PCSK2: variants seen among roughly 807,000 people sequenced by gnomAD.
The protein encoded by PCSK2 is neuroendocrine convertase 2.
Under a neutral mutation model 69.7 loss-of-function variants are expected in PCSK2, and 14 were observed. The ratio of observed to expected loss-of-function variants is 0.20; its 90% CI spans 0.13 to 0.31. PCSK2 has a LOEUF of 0.31. PCSK2 is among the 10% of genes least tolerant of loss of function. The probability of loss-of-function intolerance (pLI) is 1.00; values close to 1 mark genes in which losing one functional copy is unlikely to be tolerated. For synonymous variants in PCSK2, 307 were observed against 320.7 expected, an observed-to-expected ratio of 0.96 and a Z score of 0.46; for missense variants, 544 against 842.5, an observed-to-expected ratio of 0.65 and a Z score of 4.39.
At chr20:17,278,408 A>C (rs1427901953) in intron 2 of PCSK2, among the ~76,000 whole-genome samples, 1 of 152,226 alleles carries the variant, frequency 6.6e-6, no homozygotes, top group Non-Finnish European at 1.5e-5. Flanking sequence ...TGATGAGTTC[A>C]TGTCCTTTGT....
At chr20:17,431,410 C>T (rs2032364243) in intron 7 of PCSK2, among the ~76,000 whole-genome samples, 1 of 152,294 alleles carries the variant, frequency 6.6e-6, no homozygotes, top group South Asian at 2.1e-4. Flanking sequence ...GGGAGCAGGC[C>T]AGAGGACCCG....
intron 8 of PCSK2, among the ~76,000 whole-genome samples, chr20:17,445,977 G>C (rs1016538215): frequency 1.3e-5 from 2 of 152,214 alleles, no homozygotes; most frequent in African/African-American, 4.8e-5. Flanking sequence ...GCATTGAAAA[G>C]TCCTACATCT....
At chr20:17,346,686 T>C (rs1004787295) in intron 2 of PCSK2, among the ~76,000 whole-genome samples, 2 of 152,198 alleles carry the variant, frequency 1.3e-5, no homozygotes, top group Non-Finnish European at 2.9e-5. Context: ...TCTGGAAAAT[T>C]GTCCTGTCAA....
chr20:17,323,193 T>C (rs185226701), intron 2 of PCSK2, among the ~76,000 whole-genome samples: 1 of 152,264 alleles, frequency 6.6e-6, no homozygotes, highest in Non-Finnish European at 1.5e-5. Flanking sequence ...ACCACCATAA[T>C]GGGAAGTAAG....
At chr20:17,407,759 T>C (rs2031785121) in intron 5 of PCSK2, among the ~76,000 whole-genome samples, 1 of 152,080 alleles carries the variant, frequency 6.6e-6, no homozygotes, top group African/African-American at 2.4e-5. Context: ...CCAGTAGTTA[T>C]GGTCAGTGGA....
intron 8 of PCSK2, among the ~76,000 whole-genome samples, chr20:17,437,990 C>A (rs550524785): frequency 6.7e-6 from 1 of 149,596 alleles, no homozygotes; most frequent in South Asian, 2.1e-4. Context: ...GCAGTTCCCC[C>A]CCACCCACAC....
intron 8 of PCSK2, among the ~76,000 whole-genome samples, chr20:17,449,984 C>CT (rs60552663): frequency 1.1e-3 from 98 of 90,620 alleles, no homozygotes; most frequent in East Asian, 6.7e-3. Flanking sequence ...ACTTCCTTAG[C>CT]TTTTTTTTTT....
At chr20:17,371,465 C>A (rs1259106663) in intron 5 of PCSK2, among the ~76,000 whole-genome samples, 1 of 152,160 alleles carries the variant, frequency 6.6e-6, no homozygotes, top group Non-Finnish European at 1.5e-5. Flanking sequence ...CCAGAATACA[C>A]CTGAAGAACT....
intron 4 of PCSK2, 58 bp downstream of exon 4, chr20:17,360,698 T>C: frequency 1.0e-6 from 1 of 1,002,808 alleles, no homozygotes; most frequent in African/African-American, 1.6e-5. Context: ...GCTTGCCTTT[T>C]GATAAAAGTT....
At chr20:17,408,691 T>G (rs919952836) in intron 5 of PCSK2, among the ~76,000 whole-genome samples, 17 of 152,370 alleles carry the variant, frequency 1.1e-4, no homozygotes, top group African/African-American at 3.6e-4. Context: ...TGACATATAT[T>G]GGACTCTTAA....
At chr20:17,407,388 C>T (rs1345603671) in intron 5 of PCSK2, among the ~76,000 whole-genome samples, 2 of 152,120 alleles carry the variant, frequency 1.3e-5, no homozygotes, top group Non-Finnish European at 2.9e-5. Flanking sequence ...GGCAGATACT[C>T]TTCCAAATCT....
chr20:17,454,380 G>A (rs753087716), intron 9 of PCSK2, among the ~76,000 whole-genome samples: 12 of 152,082 alleles, frequency 7.9e-5, no homozygotes, highest in African/African-American at 2.2e-4. Context: ...CAACATTCAC[G>A]GATGGACTTT....
At chr20:17,448,844 T>G (rs1226938074) in intron 8 of PCSK2, among the ~76,000 whole-genome samples, 2 of 151,710 alleles carry the variant, frequency 1.3e-5, no homozygotes, top group African/African-American at 4.8e-5. Flanking sequence ...ACTGGCAGAA[T>G]TCAAAGTGGA....
chr20:17,296,489 G>A (rs1988898869), intron 2 of PCSK2, among the ~76,000 whole-genome samples: 1 of 152,120 alleles, frequency 6.6e-6, no homozygotes, highest in African/African-American at 2.4e-5. Context: ...GTGCTCACCT[G>A]GACGCCATCT....
intron 2 of PCSK2, among the ~76,000 whole-genome samples, chr20:17,322,319 A>ATTGATGAGTAAGTCATCAATC (rs1989894585): frequency 6.6e-6 from 1 of 152,130 alleles, no homozygotes; most frequent in Non-Finnish European, 1.5e-5. Context: ...TGAAAGGAGT[A>ATTGATGAGTAAGTCATCAATC]TTGATGAGTA....
Position 17,233,849 on chromosome 20 carries a change from A to G in PCSK2, c.177+6367A>G, listed in dbSNP as rs980011158. Among the ~76,000 whole-genome samples the G allele has an allele frequency of 2.6e-5, 4 of 152,188 alleles. No individual in the cohort carries two copies. In the East Asian group the frequency reaches 7.7e-4, roughly 29 times the overall value. ...CAATTCTAGCCTGTGTAATGCAAGC[A>G]GAAGTCATGTGTACTTCTTCCATGC... On this transcript the variant is annotated intron_variant, in intron 1 of 11. Coordinates refer to ENST00000262545, the MANE Select transcript of PCSK2 (RefSeq NM_002594.5).
intron 5 of PCSK2, among the ~76,000 whole-genome samples, chr20:17,390,233 T>C (rs1412980322): frequency 1.3e-5 from 2 of 152,138 alleles, no homozygotes; most frequent in East Asian, 3.9e-4. Flanking sequence ...ATCAGAACAG[T>C]GGTTGCCTAA....
chr20:17,229,408 C>G (rs563105251), intron 1 of PCSK2, among the ~76,000 whole-genome samples: 1 of 148,820 alleles, frequency 6.7e-6, no homozygotes, highest in African/African-American at 2.5e-5. Context: ...GTGGCTCCCT[C>G]CCCCTCCCCC....
At chr20:17,276,325 G>C (rs773993906) in intron 2 of PCSK2, among the ~76,000 whole-genome samples, 18 of 152,036 alleles carry the variant, frequency 1.2e-4, no homozygotes, top group Non-Finnish European at 5.9e-5. Flanking sequence ...AGTGTTTCTT[G>C]TGCTAATTAA....
Sources: allele counts gnomAD v4.1 joint callset (sites outside exome capture counted in the v4.1 genomes callset), GRCh38; gene constraint gnomAD v4.1.1; transcripts MANE v1.5; gene names NCBI Gene and HGNC (gene_info 2026-07-23, HGNC 2026-07-21).